Variants in PKIA observed in about 807,000 individuals in gnomAD.
The protein encoded by PKIA is cAMP-dependent protein kinase inhibitor alpha.
A neutral mutation model predicts 7.6 loss-of-function variants in PKIA; 4 were observed. The observed-to-expected ratio is 0.52, with a 90% CI of 0.26 to 1.20. The LOEUF is 1.20. Among genes scored for constraint, PKIA ranks in the 50% most tolerant of loss-of-function variants. The probability of loss-of-function intolerance (pLI) is 0.13; values close to 1 mark genes in which losing one functional copy is unlikely to be tolerated. For synonymous variants in PKIA, 21 were observed against 30.7 expected, an observed-to-expected ratio of 0.68 and a Z score of 1.04; for missense variants, 73 against 86.2, an observed-to-expected ratio of 0.85 and a Z score of 0.61.
intron 2 of PKIA, among the ~76,000 whole-genome samples, chr8:78,578,542 T>G (rs1175975098): frequency 3.9e-3 from 15 of 3,818 alleles, no homozygotes; most frequent in African/African-American, 0.016. Context: ...AAAAAATCAT[T>G]ATTTTTTTGT....
At chr8:78,555,483 A>T (rs1807107748) in intron 1 of PKIA, among the ~76,000 whole-genome samples, 1 of 152,236 alleles carries the variant, frequency 6.6e-6, no homozygotes, top group African/African-American at 2.4e-5. Context: ...CCCAGTTACA[A>T]GACTCATCTT....
chr8:78,575,190 A>T (rs1807644503), intron 2 of PKIA, among the ~76,000 whole-genome samples: 1 of 151,992 alleles, frequency 6.6e-6, no homozygotes, highest in East Asian at 1.9e-4. Flanking sequence ...AATAAAAATA[A>T]ACTCTTGCAA....
chr8:78,548,062 A>C (rs1451920304), intron 1 of PKIA, among the ~76,000 whole-genome samples: 1 of 151,072 alleles, frequency 6.6e-6, no homozygotes, highest in Non-Finnish European at 1.5e-5. Flanking sequence ...AAATAGTATG[A>C]AATAAGTTTT....
At chr8:78,517,918 T>C (rs1383709258) in intron 1 of PKIA, among the ~76,000 whole-genome samples, 2 of 152,036 alleles carry the variant, frequency 1.3e-5, no homozygotes, top group Non-Finnish European at 2.9e-5. Context: ...TTACAGAGAC[T>C]GTCTGACTCA....
chr8:78,546,154 T>C (rs1260970592), intron 1 of PKIA, among the ~76,000 whole-genome samples: 4 of 152,178 alleles, frequency 2.6e-5, no homozygotes, highest in Non-Finnish European at 5.9e-5. Context: ...AAACTGCTAA[T>C]TGTGTGATTG....
intron 2 of PKIA, among the ~76,000 whole-genome samples, chr8:78,585,557 C>T (rs112734828): frequency 0.035 from 5,310 of 151,964 alleles, 96 homozygotes; most frequent in African/African-American, 0.043. Flanking sequence ...ATTACATTTT[C>T]GGTAGTTAAA....
chr8:78,530,998 C>A (rs1018517273), intron 1 of PKIA, among the ~76,000 whole-genome samples: 5 of 152,016 alleles, frequency 3.3e-5, no homozygotes, highest in African/African-American at 1.2e-4. Flanking sequence ...TTAAAATAGC[C>A]TGACACCTAC....
At chr8:78,597,534 A>G (rs1808253447) in intron 2 of PKIA, among the ~76,000 whole-genome samples, 1 of 152,138 alleles carries the variant, frequency 6.6e-6, no homozygotes, top group South Asian at 2.1e-4. Context: ...CTGTACAGAC[A>G]ATGCTCTCAC....
Position 78,531,442 on chromosome 8 carries a change from A to T in PKIA, c.-157+14974A>T, listed in dbSNP as rs151216584. Among the ~76,000 whole-genome samples the T allele has an allele frequency of 4.3e-3, 654 of 152,278 alleles. 2 individuals are homozygous for T. The highest frequency in any genetic ancestry group is 0.015 in the African/African-American group (629 of 41,576). On this transcript the variant is annotated intron_variant, in intron 1 of 3. Coordinates refer to ENST00000396418, the MANE Select transcript of PKIA (RefSeq NM_006823.4). Reference sequence around the variant, plus strand: ...ATCATTCGCTTTTGAGGCTAAGGATACAAATGTTAATGTTTTGTATATTCA... The same window carrying T: ...ATCATTCGCTTTTGAGGCTAAGGATTCAAATGTTAATGTTTTGTATATTCA...
intron 2 of PKIA, among the ~76,000 whole-genome samples, chr8:78,574,865 T>A (rs998898952): frequency 6.6e-6 from 1 of 151,954 alleles, no homozygotes; most frequent in Non-Finnish European, 1.5e-5. Flanking sequence ...TTTTTTAAAA[T>A]TTCTACACAG....
At chr8:78,568,933 G>A (rs984300359) in intron 1 of PKIA, among the ~76,000 whole-genome samples, 6 of 152,076 alleles carry the variant, frequency 3.9e-5, no homozygotes, top group African/African-American at 1.4e-4. Flanking sequence ...CAGCACTGTG[G>A]TTCCCCCACC....
chr8:78,517,553 C>T (rs1221516250), intron 1 of PKIA, among the ~76,000 whole-genome samples: 1 of 152,140 alleles, frequency 6.6e-6, no homozygotes, highest in African/African-American at 2.4e-5. Flanking sequence ...TCCTCAAGAA[C>T]CTCAAAAGAG....
At chr8:78,598,959 C>T (rs1246749179) in intron 3 of PKIA, among the ~76,000 whole-genome samples, 1 of 151,934 alleles carries the variant, frequency 6.6e-6, no homozygotes, top group African/African-American at 2.4e-5. Context: ...ATTCTAAGAA[C>T]AATTTTAGTA....
chr8:78,546,966 G>C (rs1022526597), intron 1 of PKIA, among the ~76,000 whole-genome samples: 1 of 152,086 alleles, frequency 6.6e-6, no homozygotes, highest in Admixed American at 6.6e-5. Flanking sequence ...TTACTAAAAT[G>C]CTATTTCAAA....
intron 1 of PKIA, among the ~76,000 whole-genome samples, chr8:78,531,947 G>C (rs1370915276): frequency 2.6e-5 from 4 of 152,098 alleles, no homozygotes; most frequent in Non-Finnish European, 5.9e-5. Flanking sequence ...ATCAGATGGA[G>C]ATAGCAAGTG....
intron 1 of PKIA, among the ~76,000 whole-genome samples, chr8:78,565,651 T>A (rs114819254): frequency 0.011 from 1,709 of 152,078 alleles, 35 homozygotes; most frequent in African/African-American, 0.038. Flanking sequence ...TCTCTCTCCC[T>A]CTTTCTCTTG....
intron 1 of PKIA, among the ~76,000 whole-genome samples, chr8:78,561,048 C>A (rs538845456): frequency 6.6e-6 from 1 of 152,130 alleles, no homozygotes; most frequent in Non-Finnish European, 1.5e-5. Flanking sequence ...CAACATGAGA[C>A]GTGGTATATC....
At chr8:78,583,476 A>G (rs951632296) in intron 2 of PKIA, among the ~76,000 whole-genome samples, 8 of 152,206 alleles carry the variant, frequency 5.3e-5, no homozygotes, top group Admixed American at 2.0e-4. Context: ...TGAGAGGCAT[A>G]ATAGCATTAC....
chr8:78,594,657 C>T (rs1428764061), intron 2 of PKIA, among the ~76,000 whole-genome samples: 2 of 152,034 alleles, frequency 1.3e-5, no homozygotes, highest in Non-Finnish European at 2.9e-5. Flanking sequence ...AGTGATTAGA[C>T]ATGGATATCA....
Sources: gnomAD v4.1 joint callset for allele counts (sites outside exome capture counted in the v4.1 genomes callset) on GRCh38, gnomAD v4.1.1 for gene constraint, MANE v1.5 for transcripts, NCBI Gene and HGNC (gene_info 2026-07-23, HGNC 2026-07-21) for gene names.